Variants in DOCK4 observed in about 807,000 individuals in gnomAD.
DOCK4 encodes dedicator of cytokinesis protein 4.
Under a neutral mutation model 268.1 loss-of-function variants are expected in DOCK4, and 97 were observed. That is an observed-to-expected ratio of 0.36 (90% CI 0.31 to 0.43). The LOEUF is 0.43. Among genes scored for constraint, DOCK4 ranks in the 20% least tolerant of loss-of-function variants. The pLI is 1.00. For synonymous variants in DOCK4, 954 were observed against 887.2 expected, an observed-to-expected ratio of 1.08 and a Z score of -1.34; for missense variants, 2,145 against 2,455.7, an observed-to-expected ratio of 0.87 and a Z score of 2.67.
At chr7:111,866,047 C>G (rs888684177) in intron 22 of DOCK4, among the ~76,000 whole-genome samples, 7 of 152,216 alleles carry the variant, frequency 4.6e-5, no homozygotes, top group Admixed American at 2.6e-4. Flanking sequence ...AGGACCCAAC[C>G]AAGCCTGCCT....
chr7:112,184,618 G>A (rs1184176230), intron 1 of DOCK4, among the ~76,000 whole-genome samples: 1 of 151,842 alleles, frequency 6.6e-6, no homozygotes, highest in Non-Finnish European at 1.5e-5. Flanking sequence ...TAAAAACCCC[G>A]GCCCTTGGAG....
At chr7:111,889,210 T>G (rs1808090678) in intron 16 of DOCK4, among the ~76,000 whole-genome samples, 1 of 152,208 alleles carries the variant, frequency 6.6e-6, no homozygotes, top group Non-Finnish European at 1.5e-5. Flanking sequence ...TTTAAAATGT[T>G]GCAGATGTTT....
intron 8 of DOCK4, among the ~76,000 whole-genome samples, chr7:111,960,828 G>A (rs73207426): frequency 0.27 from 41,389 of 151,824 alleles, 6,678 homozygotes; most frequent in African/African-American, 0.46. Context: ...ATGTCCTCCA[G>A]GTACATCCAT....
At chr7:111,936,567 A>G (rs1254870245) in intron 11 of DOCK4, among the ~76,000 whole-genome samples, 1 of 152,060 alleles carries the variant, frequency 6.6e-6, no homozygotes, top group Non-Finnish European at 1.5e-5. Context: ...GTAACTCATA[A>G]TGATTTGTAA....
At chr7:111,896,687 G>A (rs2134388932) in intron 15 of DOCK4, among the ~76,000 whole-genome samples, 1 of 152,150 alleles carries the variant, frequency 6.6e-6, no homozygotes, top group African/African-American at 2.4e-5. Flanking sequence ...AGTAAGATCT[G>A]AGCTGGAGGA....
chr7:111,769,029 T>C (rs1005303841), intron 37 of DOCK4, among the ~76,000 whole-genome samples: 3 of 152,150 alleles, frequency 2.0e-5, no homozygotes, highest in African/African-American at 7.2e-5. Context: ...CCTTTCACCA[T>C]GTGAAGATAC....
At chr7:111,904,189 C>T (rs925409669) in intron 13 of DOCK4, among the ~76,000 whole-genome samples, 1 of 152,150 alleles carries the variant, frequency 6.6e-6, no homozygotes, top group African/African-American at 2.4e-5. Flanking sequence ...GCCAGCATCA[C>T]AAAATTCTTT....
chr7:112,133,128 A>T (rs1813959813), intron 1 of DOCK4, among the ~76,000 whole-genome samples: 1 of 152,192 alleles, frequency 6.6e-6, no homozygotes, highest in South Asian at 2.1e-4. Context: ...GAATAGGGAT[A>T]CAGGTCATAC....
chr7:111,854,269 G>C (rs552418346), intron 23 of DOCK4, among the ~76,000 whole-genome samples: 47 of 152,270 alleles, frequency 3.1e-4, no homozygotes, highest in African/African-American at 9.6e-4. Context: ...TGACCTAATC[G>C]GTTATGTTAT....
intron 52 of DOCK4, among the ~76,000 whole-genome samples, 182 bp downstream of exon 52, chr7:111,732,044 A>G (rs1795127311): frequency 6.6e-6 from 1 of 152,220 alleles, no homozygotes; most frequent in African/African-American, 2.4e-5. Context: ...GCGTTTGTGC[A>G]GGAGGCACCC....
At chr7:112,149,955 T>G (rs919848420) in intron 1 of DOCK4, among the ~76,000 whole-genome samples, 4 of 152,188 alleles carry the variant, frequency 2.6e-5, no homozygotes, top group African/African-American at 9.6e-5. Flanking sequence ...TTACTGAACA[T>G]TTACTGTGGG....
At position 111,732,904 on chromosome 7, in the gene DOCK4, C is replaced by G. The variant is rs117879598; in HGVS notation, c.5420-617G>C. ...GGTGGGTCTCTATGGATTTCATCAT[C>G]GTGGCCAAGAAGAGTGAACTGTTTG... On this transcript the variant is annotated intron_variant, in intron 51 of 52. Coordinates refer to ENST00000428084, the MANE Select transcript of DOCK4 (RefSeq NM_001363540.2). 4.9e-3 allele frequency among the ~76,000 whole-genome samples: 743 copies of G among 152,318 alleles called. 2 individuals carry two copies. The highest frequency in any genetic ancestry group is 6.7e-3 in the Non-Finnish European group (453 of 68,030).
chr7:111,986,556 G>A (rs1466652595), intron 6 of DOCK4, among the ~76,000 whole-genome samples: 2 of 152,166 alleles, frequency 1.3e-5, no homozygotes, highest in African/African-American at 4.8e-5. Flanking sequence ...GAGAGAGGAT[G>A]AGAGGAGATC....
At chr7:111,821,140 C>T (rs1801943535) in intron 27 of DOCK4, 1 of 152,208 alleles carries the variant, frequency 6.6e-6, no homozygotes, top group African/African-American at 2.4e-5. Flanking sequence ...ATCATTTTAA[C>T]ACCTCCAAGT....
At chr7:111,988,700 T>C (rs1456146275) in intron 6 of DOCK4, among the ~76,000 whole-genome samples, 1 of 152,226 alleles carries the variant, frequency 6.6e-6, no homozygotes, top group Non-Finnish European at 1.5e-5. Flanking sequence ...TAAAGCCTAT[T>C]TGAGAACAAG....
intron 8 of DOCK4, 98 bp from the exon 9 acceptor site, chr7:111,945,896 T>G: frequency 1.2e-6 from 1 of 865,544 alleles, no homozygotes; most frequent in Non-Finnish European, 1.8e-6. Context: ...AAGCTAAATA[T>G]TAGGTTGTTC....
At chr7:112,194,300 G>C (rs1820229147) in intron 1 of DOCK4, among the ~76,000 whole-genome samples, 1 of 152,178 alleles carries the variant, frequency 6.6e-6, no homozygotes, top group Non-Finnish European at 1.5e-5. Flanking sequence ...ACCAACATCA[G>C]TCTTCTAAGC....
chr7:111,989,188 T>A, intron 5 of DOCK4, 25 bp from the exon 6 acceptor site: 1 of 1,613,324 alleles, frequency 6.2e-7, no homozygotes, highest in Non-Finnish European at 8.5e-7. Context: ...AATGTGGAGA[T>A]TTGGCAGTCA....
At chr7:111,916,612 C>A (rs1176574376) in intron 12 of DOCK4, among the ~76,000 whole-genome samples, 1 of 152,052 alleles carries the variant, frequency 6.6e-6, no homozygotes, top group South Asian at 2.1e-4. Context: ...GCTGGATATA[C>A]AGAAGATGCA....
Sources: allele counts gnomAD v4.1 joint callset (sites outside exome capture counted in the v4.1 genomes callset), GRCh38; gene constraint gnomAD v4.1.1; transcripts MANE v1.5; gene names NCBI Gene and HGNC (gene_info 2026-07-23, HGNC 2026-07-21).